Variants in CHST11 observed in about 807,000 individuals in gnomAD.
CHST11 encodes C4S-1.
Under a neutral mutation model 30.4 loss-of-function variants are expected in CHST11, and 9 were observed. That is an observed-to-expected ratio of 0.30 (90% CI 0.18 to 0.52). The LOEUF (loss-of-function observed/expected upper bound fraction) is 0.52. Ranked by LOEUF, CHST11 falls within the 20% of genes least tolerant of loss-of-function variation. The pLI is 0.97. For missense variants in CHST11, 348 were observed against 460.6 expected, an observed-to-expected ratio of 0.76 and a Z score of 2.24; for synonymous variants, 152 against 187.8, an observed-to-expected ratio of 0.81 and a Z score of 1.56.
At chr12:104,526,740 G>A (rs971387468) in intron 1 of CHST11, among the ~76,000 whole-genome samples, 14 of 152,292 alleles carry the variant, frequency 9.2e-5, no homozygotes, top group East Asian at 1.9e-4. Flanking sequence ...TGGGGGTTCC[G>A]AGAACCCTGG....
chr12:104,692,587 C>T (rs901567683), intron 2 of CHST11, among the ~76,000 whole-genome samples: 1 of 152,110 alleles, frequency 6.6e-6, no homozygotes, highest in African/African-American at 2.4e-5. Context: ...TGACTTAAAC[C>T]AGGGGTCCCT....
At chr12:104,566,717 C>T (rs1002315626) in intron 1 of CHST11, among the ~76,000 whole-genome samples, 8 of 152,080 alleles carry the variant, frequency 5.3e-5, no homozygotes, top group African/African-American at 1.9e-4. Flanking sequence ...TTTAGAAAGT[C>T]GAAATTACCC....
chr12:104,504,987 G>T (rs997141609), intron 1 of CHST11, among the ~76,000 whole-genome samples: 5 of 152,166 alleles, frequency 3.3e-5, no homozygotes, highest in Non-Finnish European at 7.4e-5. Flanking sequence ...GAATGCAGAG[G>T]TGCAAGTCTG....
At chr12:104,755,061 T>G (rs1025150987) in intron 2 of CHST11, among the ~76,000 whole-genome samples, 1 of 152,190 alleles carries the variant, frequency 6.6e-6, no homozygotes, top group Non-Finnish European at 1.5e-5. Context: ...TTCTCCCTGG[T>G]GGCTACCATG....
chr12:104,633,564 G>A (rs11608410), intron 2 of CHST11, among the ~76,000 whole-genome samples: 32,460 of 151,492 alleles, frequency 0.21, 4,164 homozygotes, highest in East Asian at 0.41. Flanking sequence ...ACAGGTGCCC[G>A]CCACCACACT....
chr12:104,718,655 A>G (rs772223329), intron 2 of CHST11, among the ~76,000 whole-genome samples: 7 of 152,150 alleles, frequency 4.6e-5, no homozygotes, highest in Non-Finnish European at 7.4e-5. Flanking sequence ...GAGGTAAGCA[A>G]TCACTCCTAC....
chr12:104,731,472 G>A lies in CHST11; in HGVS notation c.205-25477G>A, dbSNP rs116286716. Among the ~76,000 whole-genome samples, 806 of 152,268 alleles carry A rather than the reference G, an allele frequency of 5.3e-3. 5 individuals are homozygous for A. Among genetic ancestry groups the A allele is most frequent in the African/African-American group, 0.018 (763 of 41,544 alleles). On this transcript the variant is annotated intron_variant, in intron 2 of 2. Transcript: ENST00000303694. ...AAAACAGACCTGAAAGGCTTCTCCC[G>A]GTTTTATTTTGGGGGGATCAGAAGG...
intron 2 of CHST11, among the ~76,000 whole-genome samples, chr12:104,742,623 C>T (rs891606052): frequency 2.6e-5 from 4 of 152,226 alleles, no homozygotes; most frequent in Non-Finnish European, 4.4e-5. Context: ...TTCCTGCCCC[C>T]CTCCGGCACC....
intron 2 of CHST11, among the ~76,000 whole-genome samples, chr12:104,617,214 G>C (rs1171311491): frequency 1.3e-5 from 2 of 152,184 alleles, no homozygotes; most frequent in Non-Finnish European, 2.9e-5. Context: ...CCTGGGTGGT[G>C]TCCCTGGAGT....
chr12:104,628,826 C>T (rs1174191279), intron 2 of CHST11, among the ~76,000 whole-genome samples: 1 of 152,222 alleles, frequency 6.6e-6, no homozygotes, highest in Non-Finnish European at 1.5e-5. Context: ...CCTTGCCTCT[C>T]TTTGAGAGCC....
intron 1 of CHST11, among the ~76,000 whole-genome samples, chr12:104,540,648 C>T (rs1002695925): frequency 5.9e-5 from 9 of 152,300 alleles, no homozygotes; most frequent in East Asian, 1.9e-4. Context: ...AGAATCAGAA[C>T]GATTGATTAC....
rs561012605 is a variant in CHST11, at chr12:104,593,006, C to T, written c.119-8900C>T. 9.6e-4 allele frequency among the ~76,000 whole-genome samples: 146 copies of T among 152,256 alleles called. 1 individual carries two copies. Among genetic ancestry groups the T allele is most frequent in the African/African-American group, 3.3e-3 (137 of 41,546 alleles). On this transcript the variant is annotated intron_variant, in intron 1 of 2. Transcript: ENST00000303694. The stretch of plus-strand genomic sequence containing the variant: ...TTCTTCAAAGCTGAGTATTAGAGTC[C>T]CCACTGGAAGGCTTCCATGTCAGTA...
At chr12:104,623,907 T>C (rs563448425) in intron 2 of CHST11, among the ~76,000 whole-genome samples, 4 of 152,318 alleles carry the variant, frequency 2.6e-5, no homozygotes, top group African/African-American at 9.6e-5. Flanking sequence ...GATGTTTCTC[T>C]AGCCACGAAG....
intron 1 of CHST11, among the ~76,000 whole-genome samples, chr12:104,572,338 T>A (rs1592769556): frequency 6.6e-6 from 1 of 151,966 alleles, no homozygotes; most frequent in South Asian, 2.1e-4. Flanking sequence ...TGAATCCGTC[T>A]GGTCCTGGAC....
At chr12:104,754,074 A>G (rs536080061) in intron 2 of CHST11, among the ~76,000 whole-genome samples, 12 of 152,172 alleles carry the variant, frequency 7.9e-5, no homozygotes, top group African/African-American at 2.2e-4. Flanking sequence ...GAGTGGTGGC[A>G]TTTGGTCTGT....
At chr12:104,673,455 C>G (rs1232998831) in intron 2 of CHST11, among the ~76,000 whole-genome samples, 2 of 152,196 alleles carry the variant, frequency 1.3e-5, no homozygotes, top group African/African-American at 2.4e-5. Flanking sequence ...GTAACTTACC[C>G]TCTTTGGGCC....
chr12:104,606,177 G>GC (rs954304969), intron 2 of CHST11, among the ~76,000 whole-genome samples: 4 of 133,712 alleles, frequency 3.0e-5, no homozygotes, highest in East Asian at 2.6e-4. Flanking sequence ...GCGGGGGGCG[G>GC]GGGGGGGAAT....
At chr12:104,681,197 T>G (rs1393847466) in intron 2 of CHST11, among the ~76,000 whole-genome samples, 1 of 152,242 alleles carries the variant, frequency 6.6e-6, no homozygotes, top group Non-Finnish European at 1.5e-5. Context: ...CTAATGACTT[T>G]GTAATGAGTA....
intron 2 of CHST11, among the ~76,000 whole-genome samples, chr12:104,687,294 C>T (rs1340659586): frequency 6.6e-6 from 1 of 152,204 alleles, no homozygotes; most frequent in African/African-American, 2.4e-5. Flanking sequence ...TGACTGAATT[C>T]GTAAAAGCAC....
Sources: allele counts gnomAD v4.1 joint callset (sites outside exome capture counted in the v4.1 genomes callset), GRCh38; gene constraint gnomAD v4.1.1; transcripts MANE v1.5; gene names NCBI Gene and HGNC (gene_info 2026-07-23, HGNC 2026-07-21).